Variants in UBA2 observed in about 807,000 individuals in gnomAD.
The protein encoded by UBA2 is ubiquitin like modifier activating enzyme 2, also known as SUMO-activating enzyme subunit 2.
A neutral mutation model predicts 77.2 loss-of-function variants in UBA2; 11 were observed. The ratio of observed to expected loss-of-function variants is 0.14; its 90% CI spans 0.09 to 0.24. The LOEUF (loss-of-function observed/expected upper bound fraction) is 0.24, where lower values mean the gene tolerates loss of function less well. Ranked by LOEUF, UBA2 falls within the 10% of genes least tolerant of loss-of-function variation. The pLI is 1.00. For synonymous variants in UBA2, 278 were observed against 276.7 expected, an observed-to-expected ratio of 1.00 and a Z score of -0.05; for missense variants, 487 against 781.7, an observed-to-expected ratio of 0.62 and a Z score of 4.50.
rs1184297228 is a variant in UBA2, at chr19:34,431,244, C to CTTTTTTTTTTTTTT, written c.222+596_223-593dup. Among the ~76,000 whole-genome samples, 133 of 69,360 alleles carry CTTTTTTTTTTTTTT rather than the reference C, an allele frequency of 1.9e-3. 8 individuals carry two copies. Among genetic ancestry groups the CTTTTTTTTTTTTTT allele is most frequent in the Non-Finnish European group, 2.5e-3 (100 of 40,476 alleles). 45.5% of individuals were successfully genotyped at this position (69,360 alleles called of 152,430 possible). ...TTTACTTTTCCTATCATTTTCTTTT[C>CTTTTTTTTTTTTTT]TTTTTTTTTTTTTTTTTTTTTTTTA... On this transcript the variant is annotated intron_variant, in intron 2 of 16. Coordinates refer to ENST00000246548, the MANE Select transcript of UBA2 (RefSeq NM_005499.3).
At chr19:34,433,110 G>C (rs573802171) in intron 3 of UBA2, 3 of 442,596 alleles carry the variant, frequency 6.8e-6, no homozygotes, top group African/African-American at 2.0e-5. Context: ...CTTTCTGCCA[G>C]TTTGAGATCT....
At chr19:34,458,017 C>T (rs190573779) in intron 12 of UBA2, among the ~76,000 whole-genome samples, 95 of 152,204 alleles carry the variant, frequency 6.2e-4, no homozygotes, top group Admixed American at 1.7e-3. Flanking sequence ...TGATTCTAGA[C>T]AACTGTGAAA....
intron 13 of UBA2, 29 bp downstream of exon 13, chr19:34,458,953 T>G: frequency 6.2e-7 from 1 of 1,600,634 alleles, no homozygotes; most frequent in South Asian, 1.1e-5. Context: ...TCTCTTTTCC[T>G]TTTGCTTTTA....
Position 34,429,053 on chromosome 19 carries a change from G to A in UBA2, c.138+483G>A. The A allele has an allele frequency of 4.1e-6, 4 of 985,352 alleles. No individual in the cohort carries two copies. In the South Asian group the frequency reaches 1.4e-4, roughly 35 times the overall value. 61.0% of individuals were successfully genotyped at this position (985,352 alleles called of 1,614,324 possible). ...TCACGAGCGGGTTTACACACGGAAC[G>A]CGCACCATCTTCATACCACCCGAGG... is the stretch of plus-strand genomic sequence containing the variant. On this transcript the variant is annotated intron_variant, in intron 1 of 16. Coordinates refer to ENST00000246548, the MANE Select transcript of UBA2 (RefSeq NM_005499.3).
At chr19:34,449,196 A>G (rs1450385124) in intron 8 of UBA2, among the ~76,000 whole-genome samples, 1 of 149,644 alleles carries the variant, frequency 6.7e-6, no homozygotes, top group Non-Finnish European at 1.5e-5. Flanking sequence ...CAGCCTCCCG[A>G]GTAGCTGGGA....
intron 13 of UBA2, 24 bp downstream of exon 13, chr19:34,458,948 T>C (rs1163537046): frequency 6.2e-7 from 1 of 1,601,088 alleles, no homozygotes; most frequent in East Asian, 2.2e-5. Flanking sequence ...CTGGGTCTCT[T>C]TTCCTTTTGC....
At chr19:34,428,724 C>T (rs1301118266) in intron 1 of UBA2, among the ~76,000 whole-genome samples, 154 bp downstream of exon 1, 2 of 151,762 alleles carry the variant, frequency 1.3e-5, no homozygotes, top group Non-Finnish European at 2.9e-5. Context: ...GGTTGTGCCC[C>T]CCCCGCGGGA....
chr19:34,450,121 C>T, intron 8 of UBA2, 144 bp from the exon 9 acceptor site: 1 of 551,088 alleles, frequency 1.8e-6, no homozygotes, highest in South Asian at 2.1e-5. Context: ...AATGTTTTTC[C>T]TTTTGAAAAT....
chr19:34,446,021 C>T (rs989888721), intron 8 of UBA2, among the ~76,000 whole-genome samples: 3 of 151,848 alleles, frequency 2.0e-5, no homozygotes, highest in African/African-American at 4.8e-5. Context: ...GTTTTTTTGA[C>T]TCTTTTTTTC....
intron 5 of UBA2, among the ~76,000 whole-genome samples, chr19:34,436,866 A>G (rs554902365): frequency 1.3e-5 from 2 of 152,344 alleles, no homozygotes; most frequent in Admixed American, 6.5e-5. Flanking sequence ...CCATTCTACA[A>G]AAGACTGTTG....
Position 34,443,598 on chromosome 19 carries a change from C to T in UBA2, c.582-246C>T, listed in dbSNP as rs533966020. The stretch of plus-strand genomic sequence containing the variant: ...CTGGGATTACAGGCGTGCGCTACCA[C>T]GCCTGGCTAATTTTTATATTTTTGG... On this transcript the variant is annotated intron_variant, in intron 6 of 16. Coordinates refer to ENST00000246548, the MANE Select transcript of UBA2 (RefSeq NM_005499.3). 4.6e-5 allele frequency among the ~76,000 whole-genome samples: 7 copies of T among 151,952 alleles called. 1 individual carries two copies. Among genetic ancestry groups the T allele is most frequent in the Non-Finnish European group, 8.8e-5 (6 of 67,988 alleles).
Position 34,431,843 on chromosome 19 carries a change from T to C in UBA2, c.223-18T>C, listed in dbSNP as rs780977140. On this transcript the variant is annotated intron_variant, in intron 2 of 16. Coordinates refer to ENST00000246548, the MANE Select transcript of UBA2 (RefSeq NM_005499.3). The stretch of plus-strand genomic sequence containing the variant: ...GAACAGAAATATTGTAGTAATTCAG[T>C]GTTGTTTATTTTTCCAGGTTGCCAA... 1.2e-6 allele frequency: 2 copies of C among 1,607,170 alleles called. No individual in the cohort carries two copies. The highest frequency in any genetic ancestry group is 2.2e-5 in the East Asian group (1 of 44,812).
intron 5 of UBA2, among the ~76,000 whole-genome samples, chr19:34,436,457 G>A (rs1408549030): frequency 2.0e-5 from 3 of 152,112 alleles, no homozygotes; most frequent in East Asian, 2.0e-4. Flanking sequence ...GCGCCACCAC[G>A]CCTGGCTAAT....
chr19:34,448,252 G>T (rs2075452612), intron 8 of UBA2, among the ~76,000 whole-genome samples: 1 of 152,130 alleles, frequency 6.6e-6, no homozygotes, highest in Admixed American at 6.5e-5. Flanking sequence ...ACATGGAGGA[G>T]TAGACTAAAC....
intron 5 of UBA2, among the ~76,000 whole-genome samples, chr19:34,435,379 C>T (rs1312191344): frequency 6.6e-6 from 1 of 152,150 alleles, no homozygotes. Context: ...GCCTGGGCTA[C>T]AGATCAAGCC....
chr19:34,458,246 C>T (rs974423742), intron 12 of UBA2, among the ~76,000 whole-genome samples: 5 of 151,978 alleles, frequency 3.3e-5, no homozygotes, highest in African/African-American at 7.3e-5. Context: ...GCTAGCCTAG[C>T]CTTTAGCTGA....
chr19:34,428,558 C>T lies in UBA2; in HGVS notation c.126C>T (p.Ser42=), dbSNP rs748083549. The T allele has an allele frequency of 1.5e-5, 19 of 1,307,988 alleles. No individual in the cohort carries two copies. In the East Asian group the frequency reaches 3.1e-4, roughly 21 times the overall value. The allele number at this position is 1,307,988 out of a possible 1,614,324, so 81.0% of individuals were successfully genotyped here. ...AGAATCTCGTGCTCACCGGTTTCTC[C>T]CACATCGACCTGGTGAGGGCCGGGC... The part of the protein sequence containing the change: ...LLKNLVLTGF[S]HIDLIDLDTI... The change falls in exon 1 of 17, where the codon TCC becomes TCT. Residue 42 remains serine (S), a synonymous_variant. Coordinates refer to ENST00000246548, the MANE Select transcript of UBA2 (RefSeq NM_005499.3).
At chr19:34,433,848 C>T (rs2075281421) in intron 4 of UBA2, among the ~76,000 whole-genome samples, 1 of 152,158 alleles carries the variant, frequency 6.6e-6, no homozygotes, top group Non-Finnish European at 1.5e-5. Flanking sequence ...GTCCCAGCTT[C>T]TCCGGAGGCT....
intron 6 of UBA2, among the ~76,000 whole-genome samples, chr19:34,441,721 G>C (rs998593867): frequency 6.6e-6 from 1 of 152,046 alleles, no homozygotes; most frequent in Non-Finnish European, 1.5e-5. Context: ...AGGAGTTTGA[G>C]AACTGCCTGG....
Sources: allele counts gnomAD v4.1 joint callset (sites outside exome capture counted in the v4.1 genomes callset), GRCh38; gene constraint gnomAD v4.1.1; transcripts MANE v1.5; gene names NCBI Gene and HGNC (gene_info 2026-07-23, HGNC 2026-07-21).